The following GNA13 variants were observed in gnomAD, a reference collection of about 807,000 sequenced individuals.
GNA13 encodes the protein guanine nucleotide-binding protein subunit alpha-13.
In GNA13, 4 loss-of-function variants were observed where a neutral mutation model predicts 33.5. That is an observed-to-expected ratio of 0.12 (90% CI 0.06 to 0.27). The LOEUF is 0.27. Ranked by LOEUF, GNA13 falls within the 10% of genes least tolerant of loss-of-function variation. GNA13 has a pLI of 1.00. For missense variants in GNA13, 319 were observed against 487.2 expected (o/e 0.65, Z 3.25); for synonymous variants, 176 against 183.8 (o/e 0.96, Z 0.34).
intron 1 of GNA13, 60 bp downstream of exon 1, chr17:65,056,251 A>ACCCCCCCCCCCCCCCCCCCCC: frequency 3.0e-5 from 22 of 740,716 alleles, no homozygotes; most frequent in Admixed American, 4.8e-5. Flanking sequence ...CCCGCCCCGC[A>ACCCCCCCCCCCCCCCCCCCCC]CCCGCCGCCG....
At position 65,013,320 on chromosome 17, in the gene GNA13, CAAT is replaced by C. The variant is rs369259098; in HGVS notation, c.*934_*936del. On this transcript the variant is annotated 3_prime_UTR_variant, in exon 4 of 4. Coordinates refer to ENST00000439174, the MANE Select transcript of GNA13 (RefSeq NM_006572.6). ...AAGATAGATGTTTGTGATGATACAA[CAAT>C]GATTTCCTACAGTAAGGATTGGTCT... The C allele has an allele frequency of 1.2e-3, 257 of 208,724 alleles. 2 individuals carry two copies. Among genetic ancestry groups the C allele is most frequent in the African/African-American group, 3.6e-3 (161 of 44,114 alleles). The allele number at this position is 208,724 out of a possible 1,614,324, so 12.9% of individuals were successfully genotyped here. A position where few individuals can be genotyped will look rare whatever the true frequency, so the allele number is the denominator to read the frequency against.
At chr17:65,031,358 T>C (rs1907001548) in intron 2 of GNA13, among the ~76,000 whole-genome samples, 1 of 152,222 alleles carries the variant, frequency 6.6e-6, no homozygotes, top group South Asian at 2.1e-4. Context: ...TTATATGCAG[T>C]CAGTCCTTGA....
At chr17:65,034,199 T>C (rs1398608463) in intron 2 of GNA13, among the ~76,000 whole-genome samples, 1 of 152,056 alleles carries the variant, frequency 6.6e-6, no homozygotes, top group African/African-American at 2.4e-5. Context: ...TTCAATGTTT[T>C]CTAGCATATA....
intron 2 of GNA13, among the ~76,000 whole-genome samples, chr17:65,018,715 C>CTTCA (rs1432491711): frequency 6.6e-6 from 1 of 152,168 alleles, no homozygotes; most frequent in African/African-American, 2.4e-5. Context: ...CGATAGTTAT[C>CTTCA]TTCAGAGACA....
At chr17:65,023,048 C>T (rs1598482478) in intron 2 of GNA13, among the ~76,000 whole-genome samples, 1 of 152,204 alleles carries the variant, frequency 6.6e-6, no homozygotes, top group East Asian at 1.9e-4. Context: ...AAGAACCAGC[C>T]TGTATGAACA....
At chr17:65,050,135 C>G (rs556642001) in intron 2 of GNA13, among the ~76,000 whole-genome samples, 2 of 152,144 alleles carry the variant, frequency 1.3e-5, no homozygotes, top group Non-Finnish European at 2.9e-5. Flanking sequence ...GCTTTCTGAG[C>G]AAACCAATGC....
chr17:65,040,708 G>A (rs1012264348), intron 2 of GNA13, among the ~76,000 whole-genome samples: 1 of 152,150 alleles, frequency 6.6e-6, no homozygotes, highest in African/African-American at 2.4e-5. Context: ...CGCCAGGATG[G>A]TCTCGCTTTC....
chr17:65,029,139 A>G lies in GNA13; in HGVS notation c.511-10836T>C, dbSNP rs138680539. On this transcript the variant is annotated intron_variant, in intron 2 of 3. Coordinates refer to ENST00000439174, the MANE Select transcript of GNA13 (RefSeq NM_006572.6). ...CCAAGAACTACCTAAAACAGGAGAA[A>G]TATAATAGTATCTGATAAAATGCTG... 1.1e-3 allele frequency among the ~76,000 whole-genome samples: 163 copies of G among 152,332 alleles called. 1 individual carries two copies. Among genetic ancestry groups the G allele is most frequent in the Middle Eastern group, 3.4e-3 (1 of 294 alleles).
At chr17:65,028,436 A>C (rs1906884392) in intron 2 of GNA13, among the ~76,000 whole-genome samples, 1 of 150,426 alleles carries the variant, frequency 6.6e-6, no homozygotes, top group Admixed American at 6.6e-5. Context: ...AATACCACCT[A>C]CCATATAAGG....
chr17:65,014,313 G>A lies in GNA13; in HGVS notation c.1078C>T (p.Arg360Cys). Residue 360 changes from arginine (R) to cysteine (C), a missense_variant, in exon 4 of 4, where the codon CGT (arginine) becomes TGT (cysteine). By Grantham distance (180) the Arg-to-Cys change is radical. This residue lies in a region of GNA13 where 134 missense variants were observed against 241.3 expected (regional missense o/e 0.56). Coordinates refer to ENST00000439174, the MANE Select transcript of GNA13 (RefSeq NM_006572.6). This position sits in a 1 kb window ranked among gnomAD's most constrained non-coding sequence, Gnocchi z 5.3. ...INTENIRLVF[R>C]DVKDTILHDN... ...TGCAGAATAGTATCCTTCACGTCAC[G>A]GAAAACAAGGCGGATGTTCTCCGTG... 1 of 1,613,730 alleles carries A rather than the reference G, an allele frequency of 6.2e-7. No individual in the cohort carries two copies. Among genetic ancestry groups the A allele is most frequent in the Non-Finnish European group, 8.5e-7 (1 of 1,179,632 alleles).
chr17:65,048,065 G>A (rs188409431), intron 2 of GNA13, among the ~76,000 whole-genome samples: 42 of 152,222 alleles, frequency 2.8e-4, no homozygotes, highest in African/African-American at 9.6e-4. Flanking sequence ...TTGGTTTCAG[G>A]AATTGCAAAG....
rs1316791644 is a variant in GNA13, at chr17:65,009,843, G to T, written c.*4414C>A. On this transcript the variant is annotated 3_prime_UTR_variant, in exon 4 of 4. Transcript: ENST00000439174. Reference sequence around the variant, plus strand: ...TTTCTTTCCTAGTACCATCAAACAGGCATGATTAAGGACAATTTCTCACTT... The same window carrying T: ...TTTCTTTCCTAGTACCATCAAACAGTCATGATTAAGGACAATTTCTCACTT... Among the ~76,000 whole-genome samples the T allele has an allele frequency of 6.6e-6, 1 of 152,078 alleles. No individual in the cohort carries two copies. The highest frequency in any genetic ancestry group is 1.5e-5 in the Non-Finnish European group (1 of 68,016).
Position 65,012,646 on chromosome 17 carries a change from C to T in GNA13, c.*1611G>A. Reference sequence around the variant, plus strand: ...AATCCCTGGTTAGTTCACTGAAAAGCCCCACTCTCGTATCAGACAGCAAGA... The same window carrying T: ...AATCCCTGGTTAGTTCACTGAAAAGTCCCACTCTCGTATCAGACAGCAAGA... On this transcript the variant is annotated 3_prime_UTR_variant, in exon 4 of 4. Transcript: ENST00000439174. 1 of 230,030 alleles carries T rather than the reference C, an allele frequency of 4.3e-6. No individual in the cohort carries two copies. Among genetic ancestry groups the T allele is most frequent in the Non-Finnish European group, 8.6e-6 (1 of 116,098 alleles). The allele number at this position is 230,030 out of a possible 1,614,324, so 14.2% of individuals were successfully genotyped here.
chr17:65,021,770 CAA>C (rs1010570142), intron 2 of GNA13, among the ~76,000 whole-genome samples: 11 of 152,174 alleles, frequency 7.2e-5, no homozygotes, highest in African/African-American at 2.7e-4. Flanking sequence ...TTTTTTAATT[CAA>C]AGTCTGATTC....
At position 65,025,514 on chromosome 17, in the gene GNA13, C is replaced by T. The variant is rs189670570; in HGVS notation, c.511-7211G>A. On this transcript the variant is annotated intron_variant, in intron 2 of 3. Coordinates refer to ENST00000439174, the MANE Select transcript of GNA13 (RefSeq NM_006572.6). ...ATACTCCAGATGTAACATTACTGAA[C>T]GTGCTGAGAAGCGCGGATGGGAAAA... is the stretch of plus-strand genomic sequence containing the variant. Among the ~76,000 whole-genome samples the T allele has an allele frequency of 7.2e-5, 11 of 152,260 alleles. 1 individual carries two copies. Among genetic ancestry groups the T allele is most frequent in the African/African-American group, 2.2e-4 (9 of 41,540 alleles).
chr17:65,038,602 G>A (rs1907347940), intron 2 of GNA13, among the ~76,000 whole-genome samples: 1 of 152,138 alleles, frequency 6.6e-6, no homozygotes, highest in Admixed American at 6.5e-5. Flanking sequence ...AGTAGAGACG[G>A]GGTTGCGGGG....
chr17:65,021,039 CT>C (rs1235665313), intron 2 of GNA13, among the ~76,000 whole-genome samples: 1 of 152,186 alleles, frequency 6.6e-6, no homozygotes, highest in African/African-American at 2.4e-5. Context: ...GCCCTTAGCT[CT>C]TTTTTCTCTG....
rs996215094 is a variant in GNA13, at chr17:65,021,876, T to C, written c.511-3573A>G. On this transcript the variant is annotated intron_variant, in intron 2 of 3. Transcript: ENST00000439174. Reference sequence around the variant, plus strand: ...AGGTAAACATATTCTAGAAAGCAATTTGGCAATATGTATTAAGATCTTTCA... The same window carrying C: ...AGGTAAACATATTCTAGAAAGCAATCTGGCAATATGTATTAAGATCTTTCA... Among the ~76,000 whole-genome samples the C allele has an allele frequency of 5.3e-5, 8 of 152,240 alleles. 1 individual carries two copies. The highest frequency in any genetic ancestry group is 1.0e-4 in the Non-Finnish European group (7 of 68,044).
Position 65,013,610 on chromosome 17 carries a change from C to A in GNA13, c.*647G>T, listed in dbSNP as rs961509066. On this transcript the variant is annotated 3_prime_UTR_variant, in exon 4 of 4. Coordinates refer to ENST00000439174, the MANE Select transcript of GNA13 (RefSeq NM_006572.6). ...TCTCCCATACCACCTGTGAACTCTT[C>A]ATCAGCATCAGACCAAAGATCCTTA... 2 of 219,296 alleles carry A rather than the reference C, an allele frequency of 9.1e-6. No homozygotes were observed. The highest frequency in any genetic ancestry group is 1.8e-5 in the Non-Finnish European group (2 of 109,030). The allele number at this position is 219,296 out of a possible 1,614,324, so 13.6% of individuals were successfully genotyped here.
Sources: gnomAD v4.1 joint callset for allele counts (sites outside exome capture counted in the v4.1 genomes callset) on GRCh38, gnomAD v4.1.1 for gene constraint, gnomAD v4.1.1 regional missense constraint, Gnocchi (gnomAD v3.1) non-coding constraint, MANE v1.5 for transcripts, NCBI Gene and HGNC (gene_info 2026-07-23, HGNC 2026-07-21) for gene names.